Variants in THRB observed in about 807,000 individuals in gnomAD.
THRB encodes thyroid hormone receptor beta, also known as nuclear receptor subfamily 1 group A member 2.
Under a neutral mutation model 47.8 loss-of-function variants are expected in THRB, and 12 were observed. The observed-to-expected ratio is 0.25, with a 90% CI of 0.16 to 0.41. The LOEUF is 0.41. Ranked by LOEUF, THRB falls within the 10% of genes least tolerant of loss-of-function variation. The probability of loss-of-function intolerance (pLI) is 1.00; values close to 1 mark genes in which losing one functional copy is unlikely to be tolerated. For missense variants in THRB, 348 were observed against 589.2 expected, an observed-to-expected ratio of 0.59 and a Z score of 4.24; for synonymous variants, 218 against 212.2, an observed-to-expected ratio of 1.03 and a Z score of -0.24.
At chr3:24,355,427 C>G (rs1479496244) in intron 1 of THRB, among the ~76,000 whole-genome samples, 1 of 152,016 alleles carries the variant, frequency 6.6e-6, no homozygotes, top group Non-Finnish European at 1.5e-5. Context: ...GAATTGTTAC[C>G]AAAGACATGA....
chr3:24,267,109 C>T (rs902187996), intron 3 of THRB, among the ~76,000 whole-genome samples: 7 of 151,446 alleles, frequency 4.6e-5, no homozygotes, highest in African/African-American at 2.4e-5. Context: ...GGGGACAGAA[C>T]GAGAGAAACA....
At chr3:24,426,457 G>A (rs979949015) in intron 1 of THRB, among the ~76,000 whole-genome samples, 1 of 151,848 alleles carries the variant, frequency 6.6e-6, no homozygotes, top group African/African-American at 2.4e-5. Context: ...AATGTGAAGG[G>A]CAGGAAAACC....
intron 4 of THRB, among the ~76,000 whole-genome samples, chr3:24,219,276 A>T (rs995194394): frequency 6.6e-6 from 1 of 152,230 alleles, no homozygotes; most frequent in Non-Finnish European, 1.5e-5. Flanking sequence ...CCTGGGTGAC[A>T]GAGTGTGAGA....
chr3:24,201,929 A>C (rs544081352), intron 4 of THRB, among the ~76,000 whole-genome samples: 4 of 152,172 alleles, frequency 2.6e-5, no homozygotes, highest in African/African-American at 9.7e-5. Context: ...CATTTTGATC[A>C]GTTTTCATTT....
chr3:24,430,660 G>A (rs1014665766), intron 1 of THRB: 3 of 151,900 alleles, frequency 2.0e-5, no homozygotes, highest in Admixed American at 6.6e-5. Flanking sequence ...CTAGAAAGAA[G>A]AGAATTTCTT....
At position 24,249,279 on chromosome 3, in the gene THRB, A is replaced by G. The variant is rs772017717; in HGVS notation, c.-42-20278T>C. ...CTGGAAATGTTTGAAAACAGAAAGT[A>G]TAAAGGAGAAACAATTAAAACCCAC... is the stretch of plus-strand genomic sequence containing the variant. On this transcript the variant is annotated intron_variant, in intron 3 of 10. Coordinates refer to ENST00000646209, the MANE Select transcript of THRB (RefSeq NM_001354712.2). Among the ~76,000 whole-genome samples, 12 of 152,188 alleles carry G rather than the reference A, an allele frequency of 7.9e-5. No individual in the cohort carries two copies. The East Asian group carries it at 1.9e-3, about 24-fold the overall frequency.
In THRB at chr3:24,190,171, A is replaced by C; in HGVS notation, c.186T>G (p.Thr62=). 3.1e-6 allele frequency: 5 copies of C among 1,614,070 alleles called. No homozygotes were observed. The highest frequency in any genetic ancestry group is 3.4e-6 in the Non-Finnish European group (4 of 1,179,980). ...CCAGATGGAATATTGAGCTAGTCCA[A>C]GTGGTCTGGATGAGATGTGGCGACG... ...EQSSPHLIQT[T]WTSSIFHLDH... Residue 62 remains threonine, a synonymous_variant, in exon 5 of 11, where the codon ACT becomes ACG. Transcript: ENST00000646209.
intron 3 of THRB, among the ~76,000 whole-genome samples, chr3:24,262,258 TATC>T (rs796828248): frequency 1.8e-4 from 28 of 152,282 alleles, no homozygotes; most frequent in African/African-American, 6.3e-4. Context: ...TCATTACTGT[TATC>T]ATCTCTCACC....
intron 1 of THRB, among the ~76,000 whole-genome samples, chr3:24,431,266 A>C (rs1389801950): frequency 7.9e-4 from 20 of 25,274 alleles, no homozygotes; most frequent in Non-Finnish European, 3.6e-3. Flanking sequence ...CTCTCTACAC[A>C]CACACACACA....
intron 1 of THRB, among the ~76,000 whole-genome samples, chr3:24,454,366 G>A (rs1166592523): frequency 1.3e-5 from 2 of 152,170 alleles, no homozygotes. Flanking sequence ...CTGGAGGAGG[G>A]AATGAGGAGC....
chr3:24,234,860 G>C (rs1037393538), intron 3 of THRB, among the ~76,000 whole-genome samples: 1 of 152,144 alleles, frequency 6.6e-6, no homozygotes, highest in Non-Finnish European at 1.5e-5. Context: ...CTGCAGGAGC[G>C]GGGCAGGAAG....
chr3:24,407,159 A>C (rs986225647), intron 1 of THRB, among the ~76,000 whole-genome samples: 3 of 151,858 alleles, frequency 2.0e-5, no homozygotes, highest in Non-Finnish European at 4.4e-5. Flanking sequence ...TCCAGTTATG[A>C]AAAACGTGTC....
intron 2 of THRB, among the ~76,000 whole-genome samples, chr3:24,325,152 A>G (rs377508117): frequency 9.2e-5 from 14 of 152,182 alleles, no homozygotes; most frequent in African/African-American, 2.7e-4. Context: ...TATCAGATGA[A>G]ATTATTATTT....
rs557514422 is a variant in THRB, at chr3:24,279,092, G to C, written c.-43+18134C>G. Among the ~76,000 whole-genome samples, 211 of 152,170 alleles carry C rather than the reference G, an allele frequency of 1.4e-3. 1 individual carries two copies. The highest frequency in any genetic ancestry group is 4.9e-3 in the African/African-American group (205 of 41,514). Reference sequence around the variant, plus strand: ...ACTCCCGGCTTCAAGTAATCCTCTTGTTTTGGCCTCCCAAAGTGCTGGAAT... The same window carrying C: ...ACTCCCGGCTTCAAGTAATCCTCTTCTTTTGGCCTCCCAAAGTGCTGGAAT... On this transcript the variant is annotated intron_variant, in intron 3 of 10. Coordinates refer to ENST00000646209, the MANE Select transcript of THRB (RefSeq NM_001354712.2).
chr3:24,440,723 T>G (rs2071441830), intron 1 of THRB, among the ~76,000 whole-genome samples: 1 of 152,076 alleles, frequency 6.6e-6, no homozygotes, highest in African/African-American at 2.4e-5. Context: ...GTAGAGTAAG[T>G]TGACAAGTCT....
chr3:24,176,505 T>C (rs1045758423), intron 5 of THRB, among the ~76,000 whole-genome samples: 1 of 152,222 alleles, frequency 6.6e-6, no homozygotes, highest in Non-Finnish European at 1.5e-5. Context: ...GAACAACTAG[T>C]GCAAAATTTA....
chr3:24,360,774 A>T (rs570636896), intron 1 of THRB, among the ~76,000 whole-genome samples: 1 of 152,274 alleles, frequency 6.6e-6, no homozygotes, highest in East Asian at 1.9e-4. Context: ...TTTTATACAC[A>T]TCATATGTCC....
chr3:24,340,704 C>T (rs1464753790), intron 1 of THRB, among the ~76,000 whole-genome samples: 1 of 152,108 alleles, frequency 6.6e-6, no homozygotes, highest in Non-Finnish European at 1.5e-5. Context: ...AATGGGAATG[C>T]ACATTTTACA....
At chr3:24,262,528 C>A (rs2052174292) in intron 3 of THRB, among the ~76,000 whole-genome samples, 1 of 152,168 alleles carries the variant, frequency 6.6e-6, no homozygotes, top group African/African-American at 2.4e-5. Flanking sequence ...CACTCCATTC[C>A]AGTCTTGCTG....
Sources: gnomAD v4.1 joint callset for allele counts (sites outside exome capture counted in the v4.1 genomes callset) on GRCh38, gnomAD v4.1.1 for gene constraint, MANE v1.5 for transcripts, NCBI Gene and HGNC (gene_info 2026-07-23, HGNC 2026-07-21) for gene names.